The following SYNE2 variants were observed in gnomAD, a reference collection of about 807,000 sequenced individuals.
SYNE2 encodes spectrin repeat containing nuclear envelope protein 2.
In SYNE2, 431 loss-of-function variants were observed where a neutral mutation model predicts 856.3. The observed-to-expected ratio is 0.50, with a 90% CI of 0.47 to 0.55. The LOEUF (loss-of-function observed/expected upper bound fraction) is 0.55, where lower values mean the gene tolerates loss of function less well. Ranked by LOEUF, SYNE2 falls within the 20% of genes least tolerant of loss-of-function variation. The pLI, the probability that SYNE2 is intolerant of heterozygous loss-of-function variation, is 0.00. For missense variants in SYNE2, 8,129 were observed against 8,023.2 expected, an observed-to-expected ratio of 1.01 and a Z score of -0.50; for synonymous variants, 2,923 against 2,872.3, an observed-to-expected ratio of 1.02 and a Z score of -0.56.
intron 1 of SYNE2, among the ~76,000 whole-genome samples, chr14:63,832,843 A>G (rs1889717871): frequency 6.9e-6 from 1 of 145,636 alleles, no homozygotes; most frequent in Admixed American, 7.2e-5. Flanking sequence ...AGCCTGGGCA[A>G]CATGGCGAGA....
intron 53 of SYNE2, 155 bp from the exon 54 acceptor site, chr14:64,075,780 ACTGAGTGTCT>A: frequency 1.5e-6 from 1 of 673,310 alleles, no homozygotes; most frequent in Non-Finnish European, 2.6e-6. Flanking sequence ...ATCTGACTAA[ACTGAGTGTCT>A]CTGGGGCTTA....
At chr14:64,008,775 G>T (rs1594827509) in intron 31 of SYNE2, among the ~76,000 whole-genome samples, 2 of 152,210 alleles carry the variant, frequency 1.3e-5, no homozygotes, top group East Asian at 3.9e-4. Context: ...GAGAGGCCAG[G>T]GTGGTCTCAC....
At chr14:63,991,851 A>T (rs368688441) in intron 21 of SYNE2, among the ~76,000 whole-genome samples, 1 of 152,202 alleles carries the variant, frequency 6.6e-6, no homozygotes, top group Non-Finnish European at 1.5e-5. Context: ...GGAAATAAAG[A>T]TGCAGGAAGG....
In SYNE2 at chr14:64,021,471, G is replaced by A. The variant is rs1293869185; in HGVS notation, c.5308G>A (p.Ala1770Thr). 3 of 1,613,736 alleles carry A rather than the reference G, an allele frequency of 1.9e-6. No individual in the cohort carries two copies. The highest frequency in any genetic ancestry group is 2.5e-6 in the Non-Finnish European group (3 of 1,179,964). The change falls in exon 36 of 116, where the codon GCC becomes ACC. Residue 1770 changes from alanine (A) to threonine (T), a missense_variant. Ala to Thr is a moderately conservative substitution (Grantham distance 58). Around this residue, in one of 3 missense-constraint regions of SYNE2, gnomAD observed 2,422 missense variants for 2,357.4 expected, o/e 1.03. Coordinates refer to ENST00000555002, the MANE Select transcript of SYNE2 (RefSeq NM_182914.3). Reference protein sequence around the residue: ...QIGMTESLLKALSPSDSLEIF... With the variant: ...QIGMTESLLKTLSPSDSLEIF... Reference sequence around the variant, plus strand: ...CGGGATGACTGAATCCCTCTTAAAAGCCCTGTCTCCTTCTGACAGCTTGGA... The same window carrying A: ...CGGGATGACTGAATCCCTCTTAAAAACCCTGTCTCCTTCTGACAGCTTGGA...
intron 1 of SYNE2, among the ~76,000 whole-genome samples, chr14:63,900,766 A>C (rs2095326574): frequency 6.6e-6 from 1 of 152,358 alleles, no homozygotes; most frequent in Admixed American, 6.5e-5. Flanking sequence ...AATGATGATT[A>C]CAGGATAAAT....
At chr14:64,147,736 A>G (rs958997056) in intron 84 of SYNE2, among the ~76,000 whole-genome samples, 21 of 152,350 alleles carry the variant, frequency 1.4e-4, no homozygotes, top group Non-Finnish European at 2.9e-4. Context: ...ACCGCTTTGC[A>G]TGAAAGGCAG....
rs1021051779 is a variant in SYNE2 at position 64,216,049 on chromosome 14, A to C, written c.19403-199A>C. On this transcript the variant is annotated intron_variant, in intron 107 of 115. Coordinates refer to ENST00000555002, the MANE Select transcript of SYNE2 (RefSeq NM_182914.3). ...TCATGTTGGTCGTGCTCCGTTGTGTACCCATCTAGTGAAGGCACAGTGTTG... is the reference window on the plus strand; with the variant it reads ...TCATGTTGGTCGTGCTCCGTTGTGTCCCCATCTAGTGAAGGCACAGTGTTG... 21 of 1,489,626 alleles carry C rather than the reference A, an allele frequency of 1.4e-5. No individual in the cohort carries two copies. The African/African-American group carries it at 2.8e-4, about 20-fold the overall frequency. The allele number at this position is 1,489,626 out of a possible 1,614,324, so 92.3% of individuals were successfully genotyped here.
chr14:63,894,372 A>G (rs976061587), intron 1 of SYNE2, among the ~76,000 whole-genome samples: 1 of 151,992 alleles, frequency 6.6e-6, no homozygotes, highest in Admixed American at 6.6e-5. Flanking sequence ...ATGCTCCACC[A>G]TGCCCTGCTA....
At chr14:64,040,441 C>CA (rs1160193146) in intron 45 of SYNE2, among the ~76,000 whole-genome samples, 2 of 151,274 alleles carry the variant, frequency 1.3e-5, no homozygotes, top group African/African-American at 2.4e-5. Flanking sequence ...CAACAAACAA[C>CA]AAAAAAAGTC....
At chr14:63,865,868 A>G (rs959565939) in intron 1 of SYNE2, among the ~76,000 whole-genome samples, 1 of 152,106 alleles carries the variant, frequency 6.6e-6, no homozygotes, top group Non-Finnish European at 1.5e-5. Flanking sequence ...TTTCTTTAGC[A>G]TATCTTCTAG....
intron 54 of SYNE2, 114 bp from the exon 55 acceptor site, chr14:64,078,352 C>A: frequency 7.4e-7 from 1 of 1,346,938 alleles, no homozygotes; most frequent in Non-Finnish European, 1.0e-6. Flanking sequence ...TTCCCCCAGC[C>A]CTTAAAAAAT....
intron 6 of SYNE2, among the ~76,000 whole-genome samples, chr14:63,947,704 G>T (rs1463566568): frequency 6.6e-6 from 1 of 152,122 alleles, no homozygotes; most frequent in Non-Finnish European, 1.5e-5. Context: ...GGGCATGGTG[G>T]TGCATGCCTG....
At chr14:64,222,462 T>C (rs1190091492) in intron 112 of SYNE2, among the ~76,000 whole-genome samples, 2 of 152,170 alleles carry the variant, frequency 1.3e-5, no homozygotes, top group South Asian at 2.1e-4. Flanking sequence ...CCCAGCACTT[T>C]GGGAGCCTGA....
intron 51 of SYNE2, among the ~76,000 whole-genome samples, chr14:64,068,131 G>A (rs1190732693): frequency 6.6e-6 from 1 of 152,124 alleles, no homozygotes; most frequent in Non-Finnish European, 1.5e-5. Context: ...CAGGCTTTTT[G>A]GCAACTATTT....
chr14:64,222,675 C>T (rs916672223), intron 112 of SYNE2, among the ~76,000 whole-genome samples: 1 of 152,106 alleles, frequency 6.6e-6, no homozygotes, highest in South Asian at 2.1e-4. Context: ...GCAGTGAGCC[C>T]AGATCGTGCC....
Position 64,024,934 on chromosome 14 carries a change from C to G in SYNE2, c.5863C>G (p.Leu1955Val). Residue 1955 changes from leucine (L) to valine (V), a missense_variant, in exon 40 of 116, where the codon CTG becomes GTG. By Grantham distance (32) the Leu-to-Val change is conservative. This residue lies in a region of SYNE2 where 2,422 missense variants were observed against 2,357.4 expected (regional missense o/e 1.03). Transcript: ENST00000555002. ...TAGACTCCAGGATGACCATAGAAACCTGAGGAAGTGGTTGACTAATCAAGA... is the reference window on the plus strand; with the variant it reads ...TAGACTCCAGGATGACCATAGAAACGTGAGGAAGTGGTTGACTAATCAAGA... Reference protein sequence around the residue: ...LLRLQDDHRNLRKWLTNQEEK... With the variant: ...LLRLQDDHRNVRKWLTNQEEK... The G allele has an allele frequency of 6.2e-7, 1 of 1,613,860 alleles. No homozygotes were observed. Among genetic ancestry groups the G allele is most frequent in the Non-Finnish European group, 8.5e-7 (1 of 1,179,892 alleles).
chr14:63,953,543 GAGATAGATAGATAGAT>G (rs59456660), intron 7 of SYNE2, among the ~76,000 whole-genome samples: 1 of 90,500 alleles, frequency 1.1e-5, no homozygotes, highest in Non-Finnish European at 3.0e-5. Flanking sequence ...GAGAGAGAGA[GAGATAGATAGATAGAT>G]AGATAGATAG....
chr14:64,171,280 C>T (rs1423014968), intron 94 of SYNE2, among the ~76,000 whole-genome samples: 1 of 152,204 alleles, frequency 6.6e-6, no homozygotes, highest in Non-Finnish European at 1.5e-5. Flanking sequence ...AGCCCTCACT[C>T]ATTATGCAAT....
At chr14:64,087,958 G>A in intron 58 of SYNE2, 102 bp downstream of exon 58, 2 of 1,284,618 alleles carry the variant, frequency 1.6e-6, no homozygotes, top group Non-Finnish European at 1.1e-6. Flanking sequence ...CAAGGCGGGT[G>A]GATCACTTGA....
Sources: gnomAD v4.1 joint callset for allele counts (sites outside exome capture counted in the v4.1 genomes callset) on GRCh38, gnomAD v4.1.1 for gene constraint, gnomAD v4.1.1 regional missense constraint, MANE v1.5 for transcripts, NCBI Gene and HGNC (gene_info 2026-07-23, HGNC 2026-07-21) for gene names.